The following TAFA2 variants were observed in gnomAD, a reference collection of about 807,000 sequenced individuals.
The protein encoded by TAFA2 is chemokine-like protein TAFA-2.
TAFA2 carries 7 observed loss-of-function variants against 18.8 expected under a neutral mutation model. The ratio of observed to expected loss-of-function variants is 0.37; its 90% CI spans 0.21 to 0.70. The LOEUF is 0.70. TAFA2 is among the 30% of genes least tolerant of loss of function. The probability of loss-of-function intolerance (pLI) is 0.53; values close to 1 mark genes in which losing one functional copy is unlikely to be tolerated. For missense variants in TAFA2, 122 were observed against 158.1 expected (o/e 0.77, Z 1.23); for synonymous variants, 60 against 54.2 (o/e 1.11, Z -0.47).
intron 2 of TAFA2, among the ~76,000 whole-genome samples, chr12:61,764,230 T>TGATAGATA (rs140276194): frequency 0.071 from 10,719 of 150,082 alleles, 423 homozygotes; most frequent in African/African-American, 0.086. Flanking sequence ...GATGATTGAT[T>TGATAGATA]GATAGATAGA....
chr12:61,730,716 C>T (rs1314587395), intron 4 of TAFA2, among the ~76,000 whole-genome samples: 2 of 152,026 alleles, frequency 1.3e-5, no homozygotes, highest in African/African-American at 2.4e-5. Flanking sequence ...CAAGCATCAC[C>T]CAACACCTAC....
At chr12:61,729,653 T>C (rs1870346605) in intron 4 of TAFA2, among the ~76,000 whole-genome samples, 1 of 152,086 alleles carries the variant, frequency 6.6e-6, no homozygotes, top group Non-Finnish European at 1.5e-5. Flanking sequence ...TTTCTTTAAG[T>C]TTGTTTTCAC....
intron 1 of TAFA2, among the ~76,000 whole-genome samples, chr12:62,183,211 C>T (rs2062563361): frequency 6.6e-6 from 1 of 152,158 alleles, no homozygotes; most frequent in African/African-American, 2.4e-5. Context: ...CCTGTTCCCC[C>T]ACCCCACAAC....
At chr12:61,882,939 G>T (rs1875212951) in intron 1 of TAFA2, among the ~76,000 whole-genome samples, 2 of 152,104 alleles carry the variant, frequency 1.3e-5, no homozygotes, top group African/African-American at 4.8e-5. Flanking sequence ...GATTAAAAAA[G>T]TGTCTCTCAA....
intron 1 of TAFA2, among the ~76,000 whole-genome samples, chr12:62,198,898 T>C (rs367811768): frequency 1.2e-4 from 19 of 152,114 alleles, no homozygotes; most frequent in African/African-American, 4.3e-4. Context: ...TGGAGATAAG[T>C]CAAGAAGACC....
chr12:62,180,948 A>C (rs2062547656), intron 1 of TAFA2, among the ~76,000 whole-genome samples: 1 of 152,242 alleles, frequency 6.6e-6, no homozygotes, highest in African/African-American at 2.4e-5. Context: ...AACAACACTT[A>C]AATTTGACAT....
intron 1 of TAFA2, among the ~76,000 whole-genome samples, chr12:62,170,950 C>A (rs567165143): frequency 6.6e-6 from 1 of 152,124 alleles, no homozygotes; most frequent in East Asian, 1.9e-4. Flanking sequence ...TAGGTTTACT[C>A]TTAATTTTAT....
At chr12:61,869,008 C>T (rs1359549848) in intron 1 of TAFA2, among the ~76,000 whole-genome samples, 1 of 152,096 alleles carries the variant, frequency 6.6e-6, no homozygotes, top group Non-Finnish European at 1.5e-5. Context: ...CAAACATGTA[C>T]TAAGGATTCA....
At chr12:61,795,580 G>T (rs1871156373) in intron 2 of TAFA2, among the ~76,000 whole-genome samples, 1 of 151,726 alleles carries the variant, frequency 6.6e-6, no homozygotes, top group Admixed American at 6.6e-5. Flanking sequence ...GGGCCTGTTG[G>T]GTGGGGGAGG....
intron 1 of TAFA2, among the ~76,000 whole-genome samples, chr12:62,042,478 A>G (rs1243811700): frequency 1.3e-5 from 2 of 151,682 alleles, no homozygotes; most frequent in African/African-American, 4.8e-5. Context: ...TATGTCTCAA[A>G]AACTGAGACT....
At chr12:61,775,381 A>C (rs893924229) in intron 2 of TAFA2, among the ~76,000 whole-genome samples, 1 of 151,930 alleles carries the variant, frequency 6.6e-6, no homozygotes, top group Non-Finnish European at 1.5e-5. Context: ...CTAAATTGCC[A>C]AGACTTGGCA....
intron 1 of TAFA2, among the ~76,000 whole-genome samples, chr12:62,059,213 G>A (rs1310475827): frequency 6.6e-6 from 1 of 150,900 alleles, no homozygotes; most frequent in Non-Finnish European, 1.5e-5. Context: ...AGCTATCAGA[G>A]GGCTGAAGCG....
At chr12:61,862,413 A>G (rs1325487008) in intron 2 of TAFA2, among the ~76,000 whole-genome samples, 1 of 152,230 alleles carries the variant, frequency 6.6e-6, no homozygotes, top group Non-Finnish European at 1.5e-5. Context: ...CAGAGGTTTT[A>G]TTAAGAAGAT....
chr12:61,810,219 T>C (rs1871808546), intron 2 of TAFA2, among the ~76,000 whole-genome samples: 3 of 151,540 alleles, frequency 2.0e-5, no homozygotes, highest in Admixed American at 1.3e-4. Context: ...TCTGCCTCTA[T>C]GGTTTTTGAT....
chr12:61,906,488 C>A (rs750463783), intron 1 of TAFA2, among the ~76,000 whole-genome samples: 1 of 152,164 alleles, frequency 6.6e-6, no homozygotes, highest in African/African-American at 2.4e-5. Flanking sequence ...AACTGTGAGT[C>A]CTTTAAACTT....
intron 1 of TAFA2, among the ~76,000 whole-genome samples, chr12:62,120,154 G>A (rs1870130361): frequency 6.6e-6 from 1 of 151,886 alleles, no homozygotes; most frequent in African/African-American, 2.4e-5. Flanking sequence ...AAAGTGCTGT[G>A]CTAGATACTG....
intron 4 of TAFA2, among the ~76,000 whole-genome samples, chr12:61,716,563 TATG>T (rs1459494402): frequency 3.3e-5 from 5 of 152,192 alleles, no homozygotes; most frequent in African/African-American, 1.2e-4. Flanking sequence ...GTAAATCTTA[TATG>T]ATATTAGCTT....
intron 1 of TAFA2, among the ~76,000 whole-genome samples, chr12:61,994,528 C>T (rs1880117987): frequency 2.0e-5 from 3 of 152,142 alleles, no homozygotes; most frequent in Admixed American, 6.5e-5. Context: ...TTCTGTTCCT[C>T]ATAGCTAAAT....
intron 1 of TAFA2, among the ~76,000 whole-genome samples, chr12:62,079,126 G>C (rs925347278): frequency 6.6e-6 from 1 of 152,094 alleles, no homozygotes. Flanking sequence ...CCTCTCTCCA[G>C]CGTCAGCTCT....
Sources: gnomAD v4.1 joint callset for allele counts (sites outside exome capture counted in the v4.1 genomes callset) on GRCh38, gnomAD v4.1.1 for gene constraint, MANE v1.5 for transcripts, NCBI Gene and HGNC (gene_info 2026-07-23, HGNC 2026-07-21) for gene names.